The following GPR63 variants were observed in gnomAD, a reference collection of about 807,000 sequenced individuals.
GPR63 encodes the protein probable G protein-coupled receptor 63.
In GPR63, 12 loss-of-function variants were observed where a neutral mutation model predicts 23.1. The ratio of observed to expected loss-of-function variants is 0.52; its 90% CI spans 0.33 to 0.84. The LOEUF (loss-of-function observed/expected upper bound fraction) is 0.84. Among genes scored for constraint, GPR63 ranks in the 40% least tolerant of loss-of-function variants. The pLI, the probability that GPR63 is intolerant of heterozygous loss-of-function variation, is 0.02. For synonymous variants in GPR63, 172 were observed against 191.1 expected (o/e 0.90, Z 0.82); for missense variants, 472 against 515.6 (o/e 0.92, Z 0.82).
At position 96,799,261 on chromosome 6, in the gene GPR63, A is replaced by G; in HGVS notation, c.471T>C (p.Ser157=). Reference sequence around the variant, plus strand: ...TCACAAATAACCAGAAAAACATAGCAGATACCCTACAGAAGAATTTCCCAA... The same window carrying G: ...TCACAAATAACCAGAAAAACATAGCGGATACCCTACAGAAGAATTTCCCAA... ...WIFGKFFCRV[S]AMFFWLFVIE... Residue 157 remains serine, a synonymous_variant, in exon 2 of 2, where the codon TCT becomes TCC. Transcript: ENST00000229955. 6.2e-7 allele frequency: 1 copy of G among 1,614,180 alleles called. No homozygotes were observed. The highest frequency in any genetic ancestry group is 8.5e-7 in the Non-Finnish European group (1 of 1,180,018).
At chr6:96,817,450 T>C (rs1189088600) in intron 1 of GPR63, among the ~76,000 whole-genome samples, 1 of 152,162 alleles carries the variant, frequency 6.6e-6, no homozygotes, top group African/African-American at 2.4e-5. Flanking sequence ...CAGTATGCTG[T>C]CTATGGTAAA....
intron 1 of GPR63, among the ~76,000 whole-genome samples, chr6:96,823,993 C>T (rs1774373162): frequency 6.6e-6 from 1 of 152,046 alleles, no homozygotes; most frequent in Non-Finnish European, 1.5e-5. Context: ...ACTCACTTCT[C>T]AGAACATTTA....
chr6:96,824,606 A>G (rs1231190901), intron 1 of GPR63, among the ~76,000 whole-genome samples: 1 of 151,658 alleles, frequency 6.6e-6, no homozygotes, highest in Non-Finnish European at 1.5e-5. Context: ...AAAAAAAAAA[A>G]AGTCTTAAAA....
At position 96,799,218 on chromosome 6, in the gene GPR63, G is replaced by C; in HGVS notation, c.514C>G (p.Leu172Val). Residue 172 changes from leucine to valine, a missense_variant, in exon 2 of 2, where the codon CTG becomes GTG. By Grantham distance (32) the Leu-to-Val change is conservative (BLOSUM62 1). Transcript: ENST00000229955. Reference protein sequence around the residue: ...WLFVIEGVAILLIISIDRFLI... With the variant: ...WLFVIEGVAIVLIISIDRFLI... ...AACCTATCTATGCTAATGATGAGCA[G>C]GATGGCTACTCCTTCTATCACAAAT... is the stretch of plus-strand genomic sequence containing the variant. 1 of 1,614,134 alleles carries C rather than the reference G, an allele frequency of 6.2e-7. No homozygotes were observed. The highest frequency in any genetic ancestry group is 2.2e-5 in the East Asian group (1 of 44,884).
At chr6:96,818,233 G>A (rs147929591) in intron 1 of GPR63, among the ~76,000 whole-genome samples, 71 of 152,100 alleles carry the variant, frequency 4.7e-4, no homozygotes, top group Middle Eastern at 3.4e-3. Context: ...AGGCCAAGGC[G>A]GGTGGATCAC....
At chr6:96,808,224 G>A (rs781273527) in intron 1 of GPR63, among the ~76,000 whole-genome samples, 6 of 152,004 alleles carry the variant, frequency 3.9e-5, no homozygotes, top group African/African-American at 7.3e-5. Context: ...GCTCTATACC[G>A]TGATTACAGA....
At chr6:96,809,190 AT>A (rs944540778) in intron 1 of GPR63, among the ~76,000 whole-genome samples, 10 of 152,168 alleles carry the variant, frequency 6.6e-5, no homozygotes, top group Non-Finnish European at 1.3e-4. Context: ...TTACCAGCCC[AT>A]TAGAATCATA....
At chr6:96,828,557 A>C (rs1774500300) in intron 1 of GPR63, among the ~76,000 whole-genome samples, 1 of 138,486 alleles carries the variant, frequency 7.2e-6, no homozygotes, top group Non-Finnish European at 1.6e-5. Context: ...CCCAAATAAA[A>C]ACAGTAAAAA....
intron 1 of GPR63, among the ~76,000 whole-genome samples, chr6:96,826,088 T>A (rs1774432160): frequency 6.6e-6 from 1 of 152,130 alleles, no homozygotes; most frequent in African/African-American, 2.4e-5. Context: ...AACTATTCAT[T>A]TTTAAAAGTG....
At chr6:96,802,540 A>ATTTTTT (rs34928062) in intron 1 of GPR63, among the ~76,000 whole-genome samples, 1 of 136,390 alleles carries the variant, frequency 7.3e-6, no homozygotes, top group Non-Finnish European at 1.6e-5. Context: ...ATTTTTTCTA[A>ATTTTTT]TTTTTTTTTT....
At chr6:96,819,974 C>CAA (rs367728329) in intron 1 of GPR63, among the ~76,000 whole-genome samples, 32,046 of 84,724 alleles carry the variant, frequency 0.38, 5,116 homozygotes, top group African/African-American at 0.48. Context: ...GACTCTGTCT[C>CAA]AAAAAAAAAA....
chr6:96,810,850 C>G (rs1351343277), intron 1 of GPR63, among the ~76,000 whole-genome samples: 1 of 152,032 alleles, frequency 6.6e-6, no homozygotes, highest in Non-Finnish European at 1.5e-5. Flanking sequence ...TAATTTTTTT[C>G]CACATTAAAT....
Position 96,825,796 on chromosome 6 carries a change from C to CT in GPR63, c.-151+11471dup, listed in dbSNP as rs929565134. On this transcript the variant is annotated intron_variant, in intron 1 of 1. Transcript: ENST00000229955. ...AAATAATCAAGCTAATTACCTTAGT[C>CT]TTTTTTTTTATTTATTCAGCTTCAT... Among the ~76,000 whole-genome samples, 216 of 151,062 alleles carry CT rather than the reference C, an allele frequency of 1.4e-3. 1 individual carries two copies. Among genetic ancestry groups the CT allele is most frequent in the African/African-American group, 4.6e-3 (190 of 41,242 alleles).
intron 1 of GPR63, among the ~76,000 whole-genome samples, chr6:96,810,665 T>C (rs1199753647): frequency 1.3e-5 from 2 of 151,996 alleles, no homozygotes; most frequent in Non-Finnish European, 2.9e-5. Flanking sequence ...ACGTACAACA[T>C]AGTCCCATTG....
chr6:96,814,566 C>A (rs189468684), intron 1 of GPR63, among the ~76,000 whole-genome samples: 9 of 152,274 alleles, frequency 5.9e-5, no homozygotes, highest in Admixed American at 5.9e-4. Flanking sequence ...GATTAGAACC[C>A]AGGGCGTCCG....
intron 1 of GPR63, among the ~76,000 whole-genome samples, chr6:96,813,491 G>T (rs1363189011): frequency 6.6e-6 from 1 of 152,114 alleles, no homozygotes; most frequent in Non-Finnish European, 1.5e-5. Flanking sequence ...TCTTGTTATT[G>T]ATTTCTACTT....
intron 1 of GPR63, among the ~76,000 whole-genome samples, chr6:96,823,790 C>T (rs924094736): frequency 6.6e-6 from 1 of 151,990 alleles, no homozygotes; most frequent in Non-Finnish European, 1.5e-5. Context: ...ACTGTACCTA[C>T]GTTTAGATAT....
intron 1 of GPR63, among the ~76,000 whole-genome samples, chr6:96,810,013 G>A (rs1172388997): frequency 1.3e-5 from 2 of 152,092 alleles, no homozygotes; most frequent in Non-Finnish European, 2.9e-5. Flanking sequence ...GCCTATTGGT[G>A]GGAGTATGAA....
At chr6:96,809,725 T>C (rs1773991107) in intron 1 of GPR63, among the ~76,000 whole-genome samples, 1 of 152,208 alleles carries the variant, frequency 6.6e-6, no homozygotes, top group African/African-American at 2.4e-5. Flanking sequence ...TAAATTATCT[T>C]ACTATAAGGA....
Sources: gnomAD v4.1 joint callset for allele counts (sites outside exome capture counted in the v4.1 genomes callset) on GRCh38, gnomAD v4.1.1 for gene constraint, MANE v1.5 for transcripts, NCBI Gene and HGNC (gene_info 2026-07-23, HGNC 2026-07-21) for gene names.